ACTN2: variants seen among roughly 807,000 people sequenced by gnomAD.
ACTN2 encodes the protein actinin alpha 2, also known as alpha-actinin-2.
A neutral mutation model predicts 113.8 loss-of-function variants in ACTN2; 39 were observed. The observed-to-expected ratio is 0.34, with a 90% CI of 0.27 to 0.45. The LOEUF (loss-of-function observed/expected upper bound fraction) is 0.45, where lower values mean the gene tolerates loss of function less well. ACTN2 is among the 20% of genes least tolerant of loss of function. The probability of loss-of-function intolerance (pLI) is 1.00; values close to 1 mark genes in which losing one functional copy is unlikely to be tolerated. For synonymous variants in ACTN2, 429 were observed against 444.1 expected (o/e 0.97, Z 0.43); for missense variants, 992 against 1,177.9 (o/e 0.84, Z 2.31).
In ACTN2 at chr1:236,763,470, T is replaced by C. The variant is rs1480520531; in HGVS notation, c.*851T>C. 6.6e-6 allele frequency: 1 copy of C among 152,292 alleles called. No homozygotes were observed. Among genetic ancestry groups the C allele is most frequent in the Non-Finnish European group, 1.5e-5 (1 of 68,118 alleles). 9.4% of individuals were successfully genotyped at this position (152,292 alleles called of 1,614,324 possible). ...GAGATGACCACATAAAAGTGCTCTG[T>C]TTATAAATAAGCAGGTTTCTGTAGT... On this transcript the variant is annotated 3_prime_UTR_variant, in exon 21 of 21. Coordinates refer to ENST00000366578, the MANE Select transcript of ACTN2 (RefSeq NM_001103.4).
At chr1:236,734,409 G>A in intron 7 of ACTN2, 4 of 1,508,418 alleles carry the variant, frequency 2.7e-6, no homozygotes, top group Non-Finnish European at 3.6e-6. Flanking sequence ...CATCCACGCG[G>A]TTAACCTTCT....
Position 236,762,147 on chromosome 1 carries a change from T to TC in ACTN2, c.2527-313dup, listed in dbSNP as rs550696979. 1.2e-3 allele frequency among the ~76,000 whole-genome samples: 177 copies of TC among 152,310 alleles called. 1 individual carries two copies. The highest frequency in any genetic ancestry group is 4.0e-3 in the African/African-American group (168 of 41,568). ...CCACTGAACTTTTTTTTTAAAAGCT[T>TC]CATCTTTTCTGGTATGAAATGCAGA... On this transcript the variant is annotated intron_variant, in intron 20 of 20. Coordinates refer to ENST00000366578, the MANE Select transcript of ACTN2 (RefSeq NM_001103.4).
Position 236,686,666 on chromosome 1 carries a change from C to A in ACTN2, c.-8C>A. The A allele has an allele frequency of 6.4e-7, 1 of 1,554,770 alleles. No homozygotes were observed. Among genetic ancestry groups the A allele is most frequent in the Non-Finnish European group, 8.7e-7 (1 of 1,150,614 alleles). ...GCGCCCCGCCGCAGCCCCGGCCAAC[C>A]GAGCGCCATGAACCAGATAGAGCCC... On this transcript the variant is annotated 5_prime_UTR_variant, in exon 1 of 21. Coordinates refer to ENST00000366578, the MANE Select transcript of ACTN2 (RefSeq NM_001103.4).
chr1:236,715,596 T>G (rs1368048396), intron 1 of ACTN2, among the ~76,000 whole-genome samples: 1 of 152,108 alleles, frequency 6.6e-6, no homozygotes, highest in Admixed American at 6.6e-5. Context: ...TTTATTTTAA[T>G]TAGTCTAAGT....
intron 5 of ACTN2, among the ~76,000 whole-genome samples, chr1:236,727,074 A>G (rs747135137): frequency 2.8e-4 from 43 of 152,170 alleles, no homozygotes; most frequent in Non-Finnish European, 4.4e-4. Flanking sequence ...GCCCTTGTCT[A>G]TGGGGCATTT....
intron 20 of ACTN2, among the ~76,000 whole-genome samples, chr1:236,761,633 A>G (rs377663208): frequency 6.6e-6 from 1 of 152,212 alleles, no homozygotes; most frequent in South Asian, 2.1e-4. Flanking sequence ...TTCAGTCAGT[A>G]AAAAATTGGC....
intron 4 of ACTN2, among the ~76,000 whole-genome samples, chr1:236,722,912 C>T (rs1164156706): frequency 1.3e-5 from 2 of 152,160 alleles, no homozygotes; most frequent in Non-Finnish European, 2.9e-5. Context: ...AGGTTGTTAA[C>T]CTTTTGCTGA....
In ACTN2 at chr1:236,686,760, C is replaced by T. The variant is rs763227511; in HGVS notation, c.87C>T (p.Asp29=). Residue 29 remains aspartate (D), a synonymous_variant, in exon 1 of 21, where the codon GAC becomes GAT. Transcript: ENST00000366578. ...YMIQEEEWDR[D]LLLDPAWEKQ... is the part of the protein sequence containing the mutation. ...TCCAGGAGGAGGAGTGGGACCGCGA[C>T]CTGCTCCTGGACCCAGCCTGGGAGA... The T allele has an allele frequency of 1.3e-6, 2 of 1,549,490 alleles. No individual in the cohort carries two copies. The highest frequency in any genetic ancestry group is 1.8e-4 in the Middle Eastern group (1 of 5,646).
chr1:236,710,172 C>T (rs1476106940), intron 1 of ACTN2, among the ~76,000 whole-genome samples: 1 of 152,128 alleles, frequency 6.6e-6, no homozygotes, highest in Non-Finnish European at 1.5e-5. Context: ...TGTGCACATG[C>T]GTAGTCAAAG....
chr1:236,760,039 G>T (rs1407579624), intron 19 of ACTN2, among the ~76,000 whole-genome samples: 1 of 152,110 alleles, frequency 6.6e-6, no homozygotes, highest in Non-Finnish European at 1.5e-5. Flanking sequence ...TGAGGTCAGG[G>T]GTTTGAGACC....
chr1:236,686,665 C>G lies in ACTN2; in HGVS notation c.-9C>G, dbSNP rs532698332. 5.8e-6 allele frequency: 9 copies of G among 1,554,600 alleles called. No homozygotes were observed. Among genetic ancestry groups the G allele is most frequent in the African/African-American group, 1.4e-5 (1 of 70,154 alleles). On this transcript the variant is annotated 5_prime_UTR_variant, in exon 1 of 21. Coordinates refer to ENST00000366578, the MANE Select transcript of ACTN2 (RefSeq NM_001103.4). ...CGCGCCCCGCCGCAGCCCCGGCCAA[C>G]CGAGCGCCATGAACCAGATAGAGCC...
intron 12 of ACTN2, among the ~76,000 whole-genome samples, chr1:236,745,333 C>T (rs1659198419): frequency 6.6e-6 from 1 of 152,134 alleles, no homozygotes; most frequent in South Asian, 2.1e-4. Context: ...GCTCGGGAGG[C>T]TGAGGCAGGA....
intron 1 of ACTN2, among the ~76,000 whole-genome samples, chr1:236,698,905 T>A (rs193167789): frequency 3.3e-5 from 5 of 152,320 alleles, no homozygotes; most frequent in Admixed American, 3.3e-4. Flanking sequence ...ATCTTCATTA[T>A]TTTAGCTAGG....
chr1:236,696,528 A>G (rs1397019227), intron 1 of ACTN2, among the ~76,000 whole-genome samples: 6 of 152,104 alleles, frequency 3.9e-5, no homozygotes, highest in Non-Finnish European at 7.4e-5. Flanking sequence ...AGGTAATCTC[A>G]TTGCTGTTTA....
intron 10 of ACTN2, among the ~76,000 whole-genome samples, chr1:236,741,986 C>A (rs11800168): frequency 6.6e-6 from 1 of 152,174 alleles, no homozygotes. Flanking sequence ...CCTTCCCGCA[C>A]GCACAGCACA....
intron 3 of ACTN2, among the ~76,000 whole-genome samples, 190 bp from the exon 4 acceptor site, chr1:236,719,915 A>G (rs1205717360): frequency 1.3e-5 from 2 of 152,198 alleles, no homozygotes; most frequent in African/African-American, 4.8e-5. Context: ...ATTTATTTAA[A>G]CTAGAGACAT....
chr1:236,743,064 T>G (rs377279530), intron 11 of ACTN2, 21 bp downstream of exon 11: 13 of 1,613,898 alleles, frequency 8.1e-6, no homozygotes, highest in Non-Finnish European at 1.0e-5. Flanking sequence ...AGGAGTCAGA[T>G]TGGATTTTTG....
intron 1 of ACTN2, among the ~76,000 whole-genome samples, chr1:236,708,579 T>C (rs1363645227): frequency 6.6e-6 from 1 of 152,206 alleles, no homozygotes; most frequent in Non-Finnish European, 1.5e-5. Context: ...TCTAAACGTT[T>C]TTCAAGACGG....
chr1:236,712,896 A>G (rs2102885761), intron 1 of ACTN2, among the ~76,000 whole-genome samples: 1 of 148,840 alleles, frequency 6.7e-6, no homozygotes. Context: ...TGTTTATCTC[A>G]TTATATGTTC....
Sources: allele counts gnomAD v4.1 joint callset (sites outside exome capture counted in the v4.1 genomes callset), GRCh38; gene constraint gnomAD v4.1.1; transcripts MANE v1.5; gene names NCBI Gene and HGNC (gene_info 2026-07-23, HGNC 2026-07-21).